Variants in NWD2 observed in about 807,000 individuals in gnomAD.
NWD2 encodes NACHT and WD repeat domain containing 2, also known as NACHT and WD repeat domain-containing protein 2.
Under a neutral mutation model 132.7 loss-of-function variants are expected in NWD2, and 37 were observed. The observed-to-expected ratio is 0.28, with a 90% CI of 0.21 to 0.37. The LOEUF (loss-of-function observed/expected upper bound fraction) is 0.37, where lower values mean the gene tolerates loss of function less well. Among genes scored for constraint, NWD2 ranks in the 10% least tolerant of loss-of-function variants. The pLI is 1.00. For missense variants in NWD2, 1,592 were observed against 2,122.4 expected (o/e 0.75, Z 4.91); for synonymous variants, 705 against 803.0 (o/e 0.88, Z 2.06).
chr4:37,430,460 C>A, intron 3 of NWD2, 112 bp from the exon 4 acceptor site: 1 of 751,436 alleles, frequency 1.3e-6, no homozygotes, highest in Non-Finnish European at 2.2e-6. Flanking sequence ...ACTGATGGAG[C>A]AATGTATCTT....
chr4:37,394,666 C>T (rs1007071643), intron 3 of NWD2, among the ~76,000 whole-genome samples: 1 of 152,108 alleles, frequency 6.6e-6, no homozygotes, highest in Non-Finnish European at 1.5e-5. Context: ...CCTAGAGGAA[C>T]AGGAAACTTA....
intron 1 of NWD2, among the ~76,000 whole-genome samples, chr4:37,317,674 G>T (rs1482021906): frequency 1.3e-5 from 2 of 152,228 alleles, no homozygotes; most frequent in East Asian, 3.9e-4. Flanking sequence ...TTTGATCTTT[G>T]GCTGTTTGAC....
intron 2 of NWD2, among the ~76,000 whole-genome samples, chr4:37,347,982 G>T (rs982726988): frequency 6.6e-6 from 1 of 152,178 alleles, no homozygotes; most frequent in Non-Finnish European, 1.5e-5. Flanking sequence ...GTCTTATAAT[G>T]ATTTAATGAT....
chr4:37,391,405 G>A (rs1720677503), intron 3 of NWD2, among the ~76,000 whole-genome samples: 1 of 152,208 alleles, frequency 6.6e-6, no homozygotes, highest in Non-Finnish European at 1.5e-5. Flanking sequence ...ATGAACTGGA[G>A]GAAGGAGTGG....
Position 37,446,050 on chromosome 4 carries a change from C to T in NWD2, c.4062C>T (p.Phe1354=). The change falls in exon 7 of 7, where the codon TTC becomes TTT. Residue 1354 remains phenylalanine (F), a synonymous_variant. Transcript: ENST00000309447. The surrounding 1 kb of genome is among the most constrained non-coding windows in gnomAD (Gnocchi z 6.7). ...NFSSGFIEAV[F]KHEGIVEHCV... ...GCAGTGGCTTCATCGAAGCAGTATT[C>T]AAGCATGAAGGAATAGTTGAACACT... 6.4e-7 allele frequency: 1 copy of T among 1,551,794 alleles called. No individual in the cohort carries two copies. The highest frequency in any genetic ancestry group is 8.7e-7 in the Non-Finnish European group (1 of 1,147,014).
intron 3 of NWD2, among the ~76,000 whole-genome samples, chr4:37,388,909 G>T (rs1213461698): frequency 6.6e-6 from 1 of 151,154 alleles, no homozygotes; most frequent in Non-Finnish European, 1.5e-5. Context: ...CCTGATATGG[G>T]TTACTGACTT....
intron 1 of NWD2, 65 bp downstream of exon 1, chr4:37,245,283 G>T: frequency 6.8e-7 from 1 of 1,461,782 alleles, no homozygotes; most frequent in Admixed American, 2.3e-5. Flanking sequence ...GAGCTGGAGA[G>T]TGTGTGTCCG....
chr4:37,403,468 T>A (rs1177632879), intron 3 of NWD2, among the ~76,000 whole-genome samples: 2 of 152,140 alleles, frequency 1.3e-5, no homozygotes, highest in Admixed American at 1.3e-4. Flanking sequence ...ACATTCGTGC[T>A]CCTAGTACAG....
intron 1 of NWD2, among the ~76,000 whole-genome samples, chr4:37,276,697 C>A (rs529258057): frequency 6.6e-6 from 1 of 151,920 alleles, no homozygotes; most frequent in Non-Finnish European, 1.5e-5. Context: ...GTATGTTTAT[C>A]GCGGCACTAT....
chr4:37,376,183 A>G (rs1480550473), intron 3 of NWD2, among the ~76,000 whole-genome samples: 1 of 152,182 alleles, frequency 6.6e-6, no homozygotes, highest in Non-Finnish European at 1.5e-5. Context: ...ATACTTGTGA[A>G]CCATCTTGAT....
chr4:37,384,960 C>T (rs1720531675), intron 3 of NWD2, among the ~76,000 whole-genome samples: 2 of 152,176 alleles, frequency 1.3e-5, no homozygotes, highest in Non-Finnish European at 2.9e-5. Flanking sequence ...GTAATTAGCA[C>T]ACGTTGCTGA....
chr4:37,365,530 A>G (rs553346635), intron 3 of NWD2, among the ~76,000 whole-genome samples: 41 of 152,346 alleles, frequency 2.7e-4, no homozygotes, highest in African/African-American at 9.9e-4. Flanking sequence ...TATTTTGCTC[A>G]TATAGTCCAG....
intron 1 of NWD2, among the ~76,000 whole-genome samples, chr4:37,320,021 G>GGT (rs1396049326): frequency 2.0e-5 from 3 of 152,168 alleles, no homozygotes; most frequent in Admixed American, 2.0e-4. Context: ...AAATGACATT[G>GGT]GTAGTTTGAT....
intron 3 of NWD2, among the ~76,000 whole-genome samples, chr4:37,395,584 C>CAAAAAAA (rs1156884728): frequency 0.078 from 1,421 of 18,256 alleles, 407 homozygotes; most frequent in Non-Finnish European, 0.12. Flanking sequence ...AACTCTGTCT[C>CAAAAAAA]AAAAAAAAAA....
intron 1 of NWD2, among the ~76,000 whole-genome samples, chr4:37,324,795 C>A (rs1401194917): frequency 6.6e-6 from 1 of 152,116 alleles, no homozygotes; most frequent in African/African-American, 2.4e-5. Flanking sequence ...GCATTTCAGG[C>A]TTTCATGATT....
At chr4:37,336,080 AT>A (rs934793954) in intron 2 of NWD2, among the ~76,000 whole-genome samples, 3 of 151,650 alleles carry the variant, frequency 2.0e-5, no homozygotes, top group Admixed American at 2.0e-4. Flanking sequence ...AAATGTTTTT[AT>A]TTTTTTTCTG....
chr4:37,345,079 C>T (rs1376454199), intron 2 of NWD2, among the ~76,000 whole-genome samples: 1 of 152,114 alleles, frequency 6.6e-6, no homozygotes, highest in Non-Finnish European at 1.5e-5. Flanking sequence ...CAATAGTATG[C>T]CATTGTGTGG....
chr4:37,266,306 C>T (rs978190884), intron 1 of NWD2, among the ~76,000 whole-genome samples: 1 of 152,068 alleles, frequency 6.6e-6, no homozygotes, highest in Admixed American at 6.6e-5. Context: ...AGGGGTGGAT[C>T]TGGCCTTTGA....
chr4:37,264,037 GTAGT>G (rs1717701396), intron 1 of NWD2, among the ~76,000 whole-genome samples: 1 of 152,096 alleles, frequency 6.6e-6, no homozygotes, highest in South Asian at 2.1e-4. Context: ...GGACAACAAG[GTAGT>G]TAGTAGCTGC....
Sources: allele counts gnomAD v4.1 joint callset (sites outside exome capture counted in the v4.1 genomes callset), GRCh38; gene constraint gnomAD v4.1.1; non-coding constraint Gnocchi (gnomAD v3.1); transcripts MANE v1.5; gene names NCBI Gene and HGNC (gene_info 2026-07-23, HGNC 2026-07-21).